Variants in HSDL2 observed in about 807,000 individuals in gnomAD.
HSDL2 encodes hydroxysteroid dehydrogenase like 2.
A neutral mutation model predicts 46.3 loss-of-function variants in HSDL2; 27 were observed. The ratio of observed to expected loss-of-function variants is 0.58; its 90% CI spans 0.43 to 0.80. The LOEUF (loss-of-function observed/expected upper bound fraction) is 0.80. Among genes scored for constraint, HSDL2 ranks in the 30% least tolerant of loss-of-function variants. The probability of loss-of-function intolerance (pLI) is 0.00; values close to 1 mark genes in which losing one functional copy is unlikely to be tolerated. For synonymous variants in HSDL2, 153 were observed against 163.6 expected, an observed-to-expected ratio of 0.94 and a Z score of 0.50; for missense variants, 451 against 502.7, an observed-to-expected ratio of 0.90 and a Z score of 0.98.
At chr9:112,388,150 G>T (rs7850053) in intron 1 of HSDL2, among the ~76,000 whole-genome samples, 4 of 151,442 alleles carry the variant, frequency 2.6e-5, no homozygotes, top group African/African-American at 9.7e-5. Flanking sequence ...CAGGGCAAGA[G>T]CCTGTCTCAG....
rs78994350 is a variant in HSDL2, at chr9:112,446,996, A to G, written c.865+5226A>G. Among the ~76,000 whole-genome samples, 228 of 152,336 alleles carry G rather than the reference A, an allele frequency of 1.5e-3. 3 individuals are homozygous for G. In the East Asian group the frequency reaches 0.04, roughly 27 times the overall value. On this transcript the variant is annotated intron_variant, in intron 8 of 10. Transcript: ENST00000398805. Reference sequence around the variant, plus strand: ...TGAGATCTTTCATGAGGGAAAGCACAGGAGACCTGTCTTTCTGGGGCTGAC... The same window carrying G: ...TGAGATCTTTCATGAGGGAAAGCACGGGAGACCTGTCTTTCTGGGGCTGAC...
intron 1 of HSDL2, among the ~76,000 whole-genome samples, chr9:112,381,615 A>C (rs1193293167): frequency 1.3e-5 from 2 of 152,040 alleles, no homozygotes; most frequent in Admixed American, 1.3e-4. Context: ...CGGCCTCCCA[A>C]AGTGCTGGGA....
intron 8 of HSDL2, among the ~76,000 whole-genome samples, chr9:112,453,764 T>TA (rs2132692546): frequency 6.6e-6 from 1 of 152,334 alleles, no homozygotes; most frequent in South Asian, 2.1e-4. Context: ...TAGTATTTTT[T>TA]AACCTAATCT....
intron 1 of HSDL2, among the ~76,000 whole-genome samples, chr9:112,402,772 T>G (rs1831636416): frequency 6.7e-6 from 1 of 149,978 alleles, no homozygotes; most frequent in African/African-American, 2.5e-5. Context: ...AATACAAAAA[T>G]TAGCTGGGCG....
At chr9:112,393,740 C>A (rs1831396212) in intron 1 of HSDL2, among the ~76,000 whole-genome samples, 1 of 152,218 alleles carries the variant, frequency 6.6e-6, no homozygotes, top group Non-Finnish European at 1.5e-5. Context: ...TTACTGGTAT[C>A]CAGATTCCTT....
At chr9:112,415,376 A>G (rs1831968639) in intron 4 of HSDL2, among the ~76,000 whole-genome samples, 1 of 152,174 alleles carries the variant, frequency 6.6e-6, no homozygotes, top group African/African-American at 2.4e-5. Context: ...TCTCATATAT[A>G]TCATCTAATT....
intron 8 of HSDL2, among the ~76,000 whole-genome samples, chr9:112,447,414 G>C (rs1832779541): frequency 6.6e-6 from 1 of 151,978 alleles, no homozygotes; most frequent in Admixed American, 6.6e-5. Context: ...TAAAGTTTTT[G>C]CTGCAATCTC....
intron 1 of HSDL2, among the ~76,000 whole-genome samples, chr9:112,386,531 C>T (rs1166334189): frequency 2.0e-5 from 3 of 151,592 alleles, no homozygotes; most frequent in Non-Finnish European, 4.4e-5. Flanking sequence ...CCTGTAATCC[C>T]AGCATTTTGA....
At chr9:112,415,703 T>C in intron 4 of HSDL2, among the ~76,000 whole-genome samples, 1 of 152,216 alleles carries the variant, frequency 6.6e-6, no homozygotes, top group Admixed American at 6.5e-5. Flanking sequence ...AAGCAGATCA[T>C]GTTGCCAGGC....
intron 8 of HSDL2, among the ~76,000 whole-genome samples, chr9:112,447,902 C>A (rs1379396400): frequency 6.6e-6 from 1 of 152,086 alleles, no homozygotes; most frequent in Non-Finnish European, 1.5e-5. Flanking sequence ...TATCTGGTCA[C>A]CATCATGAGT....
intron 1 of HSDL2, among the ~76,000 whole-genome samples, chr9:112,401,686 A>G (rs959356503): frequency 1.3e-5 from 2 of 151,880 alleles, no homozygotes; most frequent in Non-Finnish European, 2.9e-5. Flanking sequence ...AAGGGAGTGC[A>G]TAACATTTAA....
chr9:112,430,160 A>G (rs1299064023), intron 6 of HSDL2, among the ~76,000 whole-genome samples: 3 of 152,104 alleles, frequency 2.0e-5, no homozygotes, highest in Admixed American at 1.3e-4. Flanking sequence ...CCACCAGGGA[A>G]GGTAGGTTTG....
rs1276136490 is a variant in HSDL2, at chr9:112,403,934, G to GAAAAT, written c.18-60_18-59insAAATA. 5.3e-6 allele frequency: 8 copies of GAAAAT among 1,522,616 alleles called. No homozygotes were observed. In the Admixed American group the frequency reaches 1.4e-4, roughly 28 times the overall value. 94.3% of individuals were successfully genotyped at this position (1,522,616 alleles called of 1,614,324 possible). On this transcript the variant is annotated intron_variant, in intron 1 of 10. Coordinates refer to ENST00000398805, the MANE Select transcript of HSDL2 (RefSeq NM_032303.5). ...ATTATGAAAATATGCATGAGGTTCT[G>GAAAAT]ATACCTGTCAGTAAATAAAACATTG...
At chr9:112,398,402 G>A (rs1831507886) in intron 1 of HSDL2, among the ~76,000 whole-genome samples, 1 of 151,982 alleles carries the variant, frequency 6.6e-6, no homozygotes, top group Non-Finnish European at 1.5e-5. Context: ...AGTTAGTATA[G>A]ATATGGTCCT....
chr9:112,390,106 A>T (rs1177119367), intron 1 of HSDL2, among the ~76,000 whole-genome samples: 1 of 147,002 alleles, frequency 6.8e-6, no homozygotes, highest in Non-Finnish European at 1.5e-5. Context: ...ATAAAGTAAA[A>T]AATAAAATAA....
chr9:112,438,343 G>C, intron 6 of HSDL2, 88 bp from the exon 7 acceptor site: 1 of 841,798 alleles, frequency 1.2e-6, no homozygotes, highest in South Asian at 3.5e-5. Context: ...CTTGATAATT[G>C]TGAAGGGTGG....
chr9:112,405,375 A>C (rs1418576433), intron 2 of HSDL2, among the ~76,000 whole-genome samples: 4 of 152,058 alleles, frequency 2.6e-5, no homozygotes, highest in Admixed American at 2.6e-4. Flanking sequence ...AACAAACAAA[A>C]AACTTCCTTT....
chr9:112,399,880 ACAAT>A (rs1303723256), intron 1 of HSDL2, among the ~76,000 whole-genome samples: 2 of 152,182 alleles, frequency 1.3e-5, no homozygotes, highest in Non-Finnish European at 2.9e-5. Flanking sequence ...CACATGTTTT[ACAAT>A]CAGTTTGTAC....
chr9:112,382,807 A>G (rs964666981), intron 1 of HSDL2, among the ~76,000 whole-genome samples: 1 of 152,184 alleles, frequency 6.6e-6, no homozygotes, highest in Non-Finnish European at 1.5e-5. Flanking sequence ...ATCACATTAC[A>G]AATATTTTCC....
Sources: allele counts gnomAD v4.1 joint callset (sites outside exome capture counted in the v4.1 genomes callset), GRCh38; gene constraint gnomAD v4.1.1; transcripts MANE v1.5; gene names NCBI Gene and HGNC (gene_info 2026-07-23, HGNC 2026-07-21).